The following TTC17 variants were observed in gnomAD, a reference collection of about 807,000 sequenced individuals.
The protein encoded by TTC17 is tetratricopeptide repeat protein 17.
Under a neutral mutation model 143.8 loss-of-function variants are expected in TTC17, and 58 were observed. The observed-to-expected ratio is 0.40, with a 90% CI of 0.33 to 0.50. The LOEUF is 0.50. Ranked by LOEUF, TTC17 falls within the 20% of genes least tolerant of loss-of-function variation. The pLI is 0.49. For missense variants in TTC17, 1,273 were observed against 1,392.5 expected, an observed-to-expected ratio of 0.91 and a Z score of 1.37; for synonymous variants, 501 against 497.8, an observed-to-expected ratio of 1.01 and a Z score of -0.09.
At chr11:43,414,534 T>C (rs186491546) in intron 15 of TTC17, 56 bp from the exon 16 acceptor site, 8 of 1,550,602 alleles carry the variant, frequency 5.2e-6, no homozygotes, top group Admixed American at 2.0e-5. Flanking sequence ...AAACGTTTTG[T>C]AACTCCCAGA....
chr11:43,393,247 C>T (rs1393500597), intron 5 of TTC17, among the ~76,000 whole-genome samples: 1 of 152,170 alleles, frequency 6.6e-6, no homozygotes, highest in South Asian at 2.1e-4. Context: ...AGATGCCAGT[C>T]GCAAGTCAAG....
intron 1 of TTC17, 52 bp downstream of exon 1, chr11:43,359,165 A>C (rs1204878098): frequency 6.6e-7 from 1 of 1,504,620 alleles, no homozygotes; most frequent in African/African-American, 1.4e-5. Context: ...CCCCGGGGGG[A>C]TTACCCTGCT....
chr11:43,487,584 A>T (rs1391291904), intron 21 of TTC17, among the ~76,000 whole-genome samples: 2 of 152,270 alleles, frequency 1.3e-5, no homozygotes, highest in African/African-American at 4.8e-5. Flanking sequence ...AAATGCTGAC[A>T]CATTATTTGA....
chr11:43,363,961 G>A (rs1295429131), intron 1 of TTC17, among the ~76,000 whole-genome samples: 1 of 152,066 alleles, frequency 6.6e-6, no homozygotes, highest in African/African-American at 2.4e-5. Flanking sequence ...GGGTGTGGAA[G>A]GGTCCTAAAT....
chr11:43,450,198 A>G lies in TTC17; in HGVS notation c.2903A>G (p.Asn968Ser), dbSNP rs765246815. 7.4e-6 allele frequency: 12 copies of G among 1,613,984 alleles called. No individual in the cohort carries two copies. The highest frequency in any genetic ancestry group is 6.7e-5 in the African/African-American group (5 of 74,916). Residue 968 changes from asparagine (N) to serine (S), a missense_variant, in exon 20 of 24, where the codon AAC (asparagine) becomes AGC (serine). This residue lies in a region of TTC17 where 878 missense variants were observed against 899.8 expected (regional missense o/e 0.98). Transcript: ENST00000039989. ...HTLDHLHGVSNRASLHYTGES... is the reference protein window; with the variant it reads ...HTLDHLHGVSSRASLHYTGES... ...CTGGACCACTTGCATGGGGTTTCCA[A>G]CCGAGCCAGCCTGCACTACACAGGG...
chr11:43,368,567 A>G (rs148473443), intron 1 of TTC17, among the ~76,000 whole-genome samples: 3 of 152,270 alleles, frequency 2.0e-5, no homozygotes, highest in African/African-American at 7.2e-5. Flanking sequence ...CTGTAATTCC[A>G]GTCAATACTG....
In TTC17 at chr11:43,458,874, TTTA is replaced by T. The variant is rs534239555; in HGVS notation, c.3030+7619_3030+7621del. Among the ~76,000 whole-genome samples the T allele has an allele frequency of 5.0e-3, 760 of 152,314 alleles. 1 individual carries two copies. The highest frequency in any genetic ancestry group is 0.017 in the African/African-American group (687 of 41,562). On this transcript the variant is annotated intron_variant, in intron 21 of 23. Coordinates refer to ENST00000039989, the MANE Select transcript of TTC17 (RefSeq NM_018259.6). ...CAGTGTATTATTTTAATTGTTCTGTTTTATTATTATTAATCTCTTACTGTGTCT... is the reference window on the plus strand; with the variant it reads ...CAGTGTATTATTTTAATTGTTCTGTTTTATTATTAATCTCTTACTGTGTCT...
At chr11:43,383,030 G>C (rs951264056) in intron 2 of TTC17, among the ~76,000 whole-genome samples, 1 of 151,942 alleles carries the variant, frequency 6.6e-6, no homozygotes, top group Non-Finnish European at 1.5e-5. Flanking sequence ...CTCTTGTGTA[G>C]CTGGGACCAC....
intron 21 of TTC17, among the ~76,000 whole-genome samples, chr11:43,478,744 G>T (rs7104153): frequency 6.6e-6 from 1 of 151,890 alleles, no homozygotes. Flanking sequence ...GCCCCATCCC[G>T]CAACCCCCAA....
intron 16 of TTC17, among the ~76,000 whole-genome samples, chr11:43,423,151 G>C (rs546077232): frequency 6.6e-6 from 1 of 152,300 alleles, no homozygotes; most frequent in African/African-American, 2.4e-5. Flanking sequence ...CATATTAGGT[G>C]ACTTGTCAGA....
intron 21 of TTC17, among the ~76,000 whole-genome samples, chr11:43,480,285 G>T (rs1948261668): frequency 6.6e-6 from 1 of 152,088 alleles, no homozygotes; most frequent in Admixed American, 6.6e-5. Flanking sequence ...CAACTCAAAA[G>T]ATCTCTGCCC....
intron 5 of TTC17, among the ~76,000 whole-genome samples, chr11:43,394,595 C>T (rs1857509573): frequency 6.6e-6 from 1 of 151,992 alleles, no homozygotes; most frequent in South Asian, 2.1e-4. Context: ...AAATTTTTGA[C>T]TTGAACAACT....
chr11:43,371,023 T>TC (rs1856549237), intron 1 of TTC17, among the ~76,000 whole-genome samples: 1 of 108,552 alleles, frequency 9.2e-6, no homozygotes, highest in African/African-American at 4.0e-5. Context: ...GGAGGGGAGG[T>TC]GGGGGGGGGG....
intron 18 of TTC17, chr11:43,446,682 T>C (rs1374867230): frequency 1.0e-6 from 1 of 984,950 alleles, no homozygotes; most frequent in Non-Finnish European, 1.2e-6. Context: ...TTTTCTACTG[T>C]TCGTAAATTC....
chr11:43,401,629 T>C, intron 10 of TTC17, 71 bp downstream of exon 10: 1 of 1,049,366 alleles, frequency 9.5e-7, no homozygotes, highest in East Asian at 2.6e-5. Flanking sequence ...CTTTTGTTTT[T>C]CCTCTTGATT....
intron 16 of TTC17, among the ~76,000 whole-genome samples, chr11:43,434,755 T>TTGTTTTAA (rs1947247183): frequency 1.3e-5 from 2 of 152,240 alleles, no homozygotes; most frequent in Non-Finnish European, 2.9e-5. Context: ...GTCGATTTCT[T>TTGTTTTAA]GAGAGCTAAA....
At chr11:43,488,731 G>T (rs958559497) in intron 21 of TTC17, among the ~76,000 whole-genome samples, 22 of 152,100 alleles carry the variant, frequency 1.4e-4, no homozygotes, top group African/African-American at 5.1e-4. Flanking sequence ...GTCTCACTCT[G>T]TCTCCTGCAG....
chr11:43,397,601 GA>G, intron 7 of TTC17, 110 bp downstream of exon 7: 1 of 1,228,784 alleles, frequency 8.1e-7, no homozygotes, highest in Non-Finnish European at 1.1e-6. Context: ...TTTTTGGTCT[GA>G]ACGATGGAAA....
At chr11:43,476,234 C>T (rs2134847900) in intron 21 of TTC17, among the ~76,000 whole-genome samples, 1 of 152,262 alleles carries the variant, frequency 6.6e-6, no homozygotes, top group South Asian at 2.1e-4. Context: ...TCTACCAAGT[C>T]TGGGAAAGCA....
Sources: allele counts gnomAD v4.1 joint callset (sites outside exome capture counted in the v4.1 genomes callset), GRCh38; gene constraint gnomAD v4.1.1; regional missense constraint gnomAD v4.1.1; transcripts MANE v1.5; gene names NCBI Gene and HGNC (gene_info 2026-07-23, HGNC 2026-07-21).